The following KNTC1 variants were observed in gnomAD, a reference collection of about 807,000 sequenced individuals.
KNTC1 encodes the protein kinetochore-associated protein 1.
A neutral mutation model predicts 314.4 loss-of-function variants in KNTC1; 253 were observed. The observed-to-expected ratio is 0.80, with a 90% CI of 0.73 to 0.89. The LOEUF (loss-of-function observed/expected upper bound fraction) is 0.89. Ranked by LOEUF, KNTC1 falls within the 40% of genes least tolerant of loss-of-function variation. The pLI is 0.00. For missense variants in KNTC1, 2,475 were observed against 2,572.9 expected, an observed-to-expected ratio of 0.96 and a Z score of 0.82; for synonymous variants, 901 against 901.4, an observed-to-expected ratio of 1.00 and a Z score of 0.01.
intron 40 of KNTC1, among the ~76,000 whole-genome samples, chr12:122,589,234 A>G (rs992911162): frequency 4.0e-5 from 6 of 151,836 alleles, no homozygotes; most frequent in Non-Finnish European, 7.4e-5. Flanking sequence ...CTCTGTAGTT[A>G]TTTATTTTAC....
chr12:122,593,266 CT>C (rs369511482), intron 42 of KNTC1: 536 of 139,258 alleles, frequency 3.8e-3, no homozygotes, highest in Middle Eastern at 0.014. Context: ...TTCTTTTTTT[CT>C]TTTTTTTTTT....
At position 122,588,697 on chromosome 12, in the gene KNTC1, C is replaced by T. The variant is rs1278343001; in HGVS notation, c.3895-15C>T. 2.7e-6 allele frequency: 4 copies of T among 1,477,444 alleles called. No homozygotes were observed. Among genetic ancestry groups the T allele is most frequent in the Admixed American group, 5.4e-5 (2 of 37,104 alleles). The allele number at this position is 1,477,444 out of a possible 1,614,324, so 91.5% of individuals were successfully genotyped here. On this transcript the variant is annotated splice_polypyrimidine_tract_variant and intron_variant, in intron 39 of 63. Coordinates refer to ENST00000333479, the MANE Select transcript of KNTC1 (RefSeq NM_014708.6). ...TAGAACTAGACCTAAATATTTTTTT[C>T]TTCTTTTCTAAAAGTTATTTGGAGA...
intron 62 of KNTC1, 100 bp from the exon 63 acceptor site, chr12:122,624,498 A>T: frequency 1.4e-6 from 1 of 714,422 alleles, no homozygotes; most frequent in Non-Finnish European, 2.3e-6. Flanking sequence ...AAACTCCTGG[A>T]CCCAAGCCAT....
At chr12:122,583,852 G>A (rs112520271) in intron 34 of KNTC1, among the ~76,000 whole-genome samples, 9,676 of 152,094 alleles carry the variant, frequency 0.064, 1,003 homozygotes, top group African/African-American at 0.22. Flanking sequence ...GCTGGGCACG[G>A]TGACTCACAC....
intron 4 of KNTC1, among the ~76,000 whole-genome samples, chr12:122,538,795 G>C (rs1244864727): frequency 3.3e-5 from 5 of 152,186 alleles, no homozygotes; most frequent in Non-Finnish European, 7.4e-5. Flanking sequence ...AGGTGAAAAA[G>C]GGAGTGATTT....
At chr12:122,626,163 A>T in intron 63 of KNTC1, 42 bp from the exon 64 acceptor site, 1 of 1,439,016 alleles carries the variant, frequency 6.9e-7, no homozygotes, top group Non-Finnish European at 9.7e-7. Context: ...TTGAAAAACT[A>T]AGTGACTTAT....
intron 60 of KNTC1, among the ~76,000 whole-genome samples, chr12:122,621,261 G>T (rs148079484): frequency 1.3e-5 from 2 of 152,276 alleles, no homozygotes; most frequent in East Asian, 3.9e-4. Context: ...AAGCATTTTG[G>T]AATGTTTTAC....
At chr12:122,550,927 A>G (rs1018414651) in intron 13 of KNTC1, among the ~76,000 whole-genome samples, 1 of 152,168 alleles carries the variant, frequency 6.6e-6, no homozygotes, top group Non-Finnish European at 1.5e-5. Flanking sequence ...TTTTTTTGGC[A>G]CAAATACTGC....
rs75958944 is a variant in KNTC1, at chr12:122,574,159, T to C, written c.2284-123T>C. 4,781 of 579,620 alleles carry C rather than the reference T, an allele frequency of 8.2e-3. 49 individuals carry two copies. Among genetic ancestry groups the C allele is most frequent in the South Asian group, 0.029 (1,232 of 42,976 alleles). The allele number at this position is 579,620 out of a possible 1,614,324, so 35.9% of individuals were successfully genotyped here. On this transcript the variant is annotated intron_variant, in intron 26 of 63. Transcript: ENST00000333479. ...CAACATTTATGACTAATTAGAATTT[T>C]TAGGTTTTTTTTCTTTTAACACATC...
intron 18 of KNTC1, 39 bp downstream of exon 18, chr12:122,557,728 G>A: frequency 7.0e-7 from 1 of 1,434,522 alleles, no homozygotes; most frequent in Non-Finnish European, 9.7e-7. Context: ...TTTGGGGCAG[G>A]GGAGAATTTG....
chr12:122,537,380 A>T (rs1452435193), intron 3 of KNTC1, among the ~76,000 whole-genome samples: 5 of 150,592 alleles, frequency 3.3e-5, no homozygotes, highest in Middle Eastern at 3.5e-3. Context: ...ACCTTCTTAC[A>T]TGTCTCACAG....
At chr12:122,605,248 T>C in intron 50 of KNTC1, 58 bp from the exon 51 acceptor site, 1 of 1,176,170 alleles carries the variant, frequency 8.5e-7, no homozygotes, top group Non-Finnish European at 1.2e-6. Flanking sequence ...CACATATAAG[T>C]ATTCAATATA....
intron 7 of KNTC1, 25 bp downstream of exon 7, chr12:122,543,659 C>A (rs1962523830): frequency 1.4e-6 from 2 of 1,440,622 alleles, no homozygotes; most frequent in Admixed American, 4.5e-5. Flanking sequence ...CCATATTGTC[C>A]TCTTAAAAAA....
chr12:122,621,560 C>T (rs1874438111), intron 60 of KNTC1, among the ~76,000 whole-genome samples: 1 of 152,212 alleles, frequency 6.6e-6, no homozygotes, highest in African/African-American at 2.4e-5. Flanking sequence ...GTCTCGAACT[C>T]CTGACCTGAG....
At position 122,571,090 on chromosome 12, in the gene KNTC1, G is replaced by A. The variant is rs751026708; in HGVS notation, c.1983G>A (p.Glu661=). The change falls in exon 24 of 64, where the codon GAG becomes GAA. Residue 661 remains glutamate, a synonymous_variant. Coordinates refer to ENST00000333479, the MANE Select transcript of KNTC1 (RefSeq NM_014708.6). ...TTTTTACAGCAGAAAAAACAGACGA[G>A]TTGGGATTGGCATCTTCCTGGCATT... ...EIFFTAEKTD[E]LGLASSWHWI... 2 of 1,613,570 alleles carry A rather than the reference G, an allele frequency of 1.2e-6. No individual in the cohort carries two copies. The highest frequency in any genetic ancestry group is 1.7e-6 in the Non-Finnish European group (2 of 1,179,700).
chr12:122,546,253 T>C lies in KNTC1; in HGVS notation c.747T>C (p.Asp249=), dbSNP rs770473117. The C allele has an allele frequency of 3.8e-6, 6 of 1,577,724 alleles. No individual in the cohort carries two copies. Among genetic ancestry groups the C allele is most frequent in the Non-Finnish European group, 5.2e-6 (6 of 1,147,966 alleles). ...KKGMTVKNLI[D]AEIIKGAKKF... is the part of the protein sequence containing the mutation. ...GAATGACAGTTAAGAACCTTATTGATGCAGAGATTATTAAAGGTAAAATAA... is the reference window on the plus strand; with the variant it reads ...GAATGACAGTTAAGAACCTTATTGACGCAGAGATTATTAAAGGTAAAATAA... Residue 249 remains aspartate, a synonymous_variant, in exon 9 of 64, where the codon GAT becomes GAC. Coordinates refer to ENST00000333479, the MANE Select transcript of KNTC1 (RefSeq NM_014708.6).
At chr12:122,589,807 G>A (rs1350660555) in intron 40 of KNTC1, among the ~76,000 whole-genome samples, 3 of 115,718 alleles carry the variant, frequency 2.6e-5, no homozygotes, top group African/African-American at 3.6e-5. Flanking sequence ...TTTTTGAGAC[G>A]GAGTCTCGCA....
At chr12:122,618,638 T>C (rs1566021710) in intron 59 of KNTC1, 93 bp downstream of exon 59, 3 of 937,822 alleles carry the variant, frequency 3.2e-6, no homozygotes, top group African/African-American at 1.7e-5. Context: ...AATTCCTTTT[T>C]GTTAGGAAGT....
chr12:122,564,095 A>G (rs1964152930), intron 20 of KNTC1, among the ~76,000 whole-genome samples: 1 of 152,166 alleles, frequency 6.6e-6, no homozygotes, highest in African/African-American at 2.4e-5. Flanking sequence ...CTTGTGCCTC[A>G]GCCTCCCAAG....
Sources: gnomAD v4.1 joint callset for allele counts (sites outside exome capture counted in the v4.1 genomes callset) on GRCh38, gnomAD v4.1.1 for gene constraint, MANE v1.5 for transcripts, NCBI Gene and HGNC (gene_info 2026-07-23, HGNC 2026-07-21) for gene names.